The following NAV1 variants were observed in gnomAD, a reference collection of about 807,000 sequenced individuals.
NAV1 encodes neuron navigator 1.
NAV1 carries 18 observed loss-of-function variants against 175.2 expected under a neutral mutation model. That is an observed-to-expected ratio of 0.10 (90% CI 0.07 to 0.15). The LOEUF is 0.15. Among genes scored for constraint, NAV1 ranks in the 10% least tolerant of loss-of-function variants. NAV1 has a pLI of 1.00. For missense variants in NAV1, 1,731 were observed against 2,436.6 expected (o/e 0.71, Z 6.10); for synonymous variants, 897 against 978.7 (o/e 0.92, Z 1.56).
At chr1:201,622,243 A>C (rs571342505), upstream of NAV1, among the ~76,000 whole-genome samples, 1 of 152,318 alleles carries the variant, frequency 6.6e-6, no homozygotes, top group South Asian at 2.1e-4. Context: ...GGGAGGGCCC[A>C]GGGAATGGCA....
rs571282309 is a variant in NAV1 at position 201,635,282 on chromosome 1, C to T, written c.4+5775C>T. The stretch of plus-strand genomic sequence containing the variant: ...GGATGGTTTCAATCTCCTGACCTCG[C>T]GATCTGCCCGCCTCAGCCTCCCAAA... On this transcript the variant is annotated intron_variant, in intron 2 of 29. Coordinates refer to the NAV1 transcript ENST00000367302. Among the ~76,000 whole-genome samples, 133 of 152,076 alleles carry T rather than the reference C, an allele frequency of 8.7e-4. 1 individual carries two copies. The highest frequency in any genetic ancestry group is 3.1e-3 in the African/African-American group (129 of 41,468).
chr1:201,704,235 G>A (rs1671565024), intron 1 of NAV1, among the ~76,000 whole-genome samples: 1 of 152,246 alleles, frequency 6.6e-6, no homozygotes, highest in Non-Finnish European at 1.5e-5. Flanking sequence ...GGAGTGCAGA[G>A]TCCTGGGAGG....
chr1:201,641,976 C>T (rs1366447882), intron 2 of NAV1, among the ~76,000 whole-genome samples: 1 of 149,610 alleles, frequency 6.7e-6, no homozygotes, highest in East Asian at 2.0e-4. Context: ...TTCTCTCTCT[C>T]TCTTTTTCTC....
chr1:201,764,035 T>C (rs1675031408), intron 3 of NAV1, among the ~76,000 whole-genome samples: 2 of 152,200 alleles, frequency 1.3e-5, no homozygotes, highest in African/African-American at 4.8e-5. Flanking sequence ...TCTCAATCCA[T>C]AGCTTCTACT....
chr1:201,808,118 A>C lies in NAV1; in HGVS notation c.3814A>C (p.Thr1272Pro), dbSNP rs1168601305. 5 of 1,614,016 alleles carry C rather than the reference A, an allele frequency of 3.1e-6. No homozygotes were observed. Among genetic ancestry groups the C allele is most frequent in the Non-Finnish European group, 4.2e-6 (5 of 1,180,014 alleles). ...TGCTTCACCCTCCATCAAGTCCTCC[A>C]CCTCGTCCTCCGTGGGCACTGATGT... The change falls in exon 18 of 30, where the codon ACC becomes CCC. Residue 1272 changes from threonine to proline, a missense_variant. Transcript: ENST00000367296. This position sits in a 1 kb window ranked among gnomAD's most constrained non-coding sequence, Gnocchi z 5.5.
intron 2 of NAV1, among the ~76,000 whole-genome samples, chr1:201,716,015 GA>G (rs1047719176): frequency 8.6e-5 from 13 of 150,336 alleles, no homozygotes; most frequent in African/African-American, 2.2e-4. Context: ...TGGGGGAACT[GA>G]AAAAAAAAGA....
intron 1 of NAV1, among the ~76,000 whole-genome samples, chr1:201,670,716 G>A (rs1400412594): frequency 1.3e-5 from 2 of 152,096 alleles, no homozygotes; most frequent in Admixed American, 6.5e-5. Context: ...TCTCGGTAAT[G>A]CTGGTAGAGA....
chr1:201,613,564 A>G (rs1197264226), intron 2 of NAV1, among the ~76,000 whole-genome samples: 4 of 152,186 alleles, frequency 2.6e-5, no homozygotes, highest in African/African-American at 9.7e-5. Context: ...TTTTCCTCTC[A>G]TAATTCACTT....
chr1:201,624,603 C>T (rs1027227129), intron 1 of NAV1, among the ~76,000 whole-genome samples: 25 of 152,058 alleles, frequency 1.6e-4, no homozygotes, highest in Middle Eastern at 3.4e-3. Context: ...ACCTCAGCCT[C>T]CCAAAGTGCT....
At chr1:201,670,367 C>G (rs991681217) in intron 1 of NAV1, among the ~76,000 whole-genome samples, 1 of 114,274 alleles carries the variant, frequency 8.8e-6, no homozygotes, top group East Asian at 2.5e-4. Flanking sequence ...GGCGACAGAG[C>G]GAGACTCCAT....
intron 1 of NAV1, among the ~76,000 whole-genome samples, chr1:201,659,097 C>T (rs971265458): frequency 2.0e-5 from 3 of 152,222 alleles, no homozygotes; most frequent in African/African-American, 7.2e-5. Flanking sequence ...TGAAAACAGT[C>T]CCACAACCCA....
chr1:201,782,370 A>C lies in NAV1; in HGVS notation c.1858A>C (p.Met620Leu). The change falls in exon 6 of 30, where the codon ATG becomes CTG. Residue 620 changes from methionine (M) to leucine (L), a missense_variant. Met to Leu is a conservative substitution (Grantham distance 15, BLOSUM62 2). This residue lies in a region of NAV1 where 634 missense variants were observed against 766.8 expected (regional missense o/e 0.83). Coordinates refer to ENST00000367296, the Ensembl canonical transcript of NAV1. This position sits in a 1 kb window ranked among gnomAD's most constrained non-coding sequence, Gnocchi z 5.4. ...TCCTGCCACAGGCACAGCCACTGTC[A>C]TGCAAACTGGTGGTTCAGCCACTCT... The C allele has an allele frequency of 9.3e-6, 15 of 1,614,144 alleles. No homozygotes were observed. Among genetic ancestry groups the C allele is most frequent in the Non-Finnish European group, 1.2e-5 (14 of 1,180,018 alleles).
chr1:201,649,067 G>A (rs1258820814), exon 1 of NAV1: 2 of 1,613,270 alleles, frequency 1.2e-6, no homozygotes, highest in South Asian at 1.1e-5. Context: ...GTGAAGCTCC[G>A]CTGATGTCCA....
At chr1:201,635,489 G>C (rs946259153) in intron 2 of NAV1, among the ~76,000 whole-genome samples, 1 of 152,152 alleles carries the variant, frequency 6.6e-6, no homozygotes, top group South Asian at 2.1e-4. Flanking sequence ...TGTACAACCT[G>C]TGCAGCTGTA....
chr1:201,764,034 A>G (rs1441093586), intron 3 of NAV1, among the ~76,000 whole-genome samples: 1 of 152,206 alleles, frequency 6.6e-6, no homozygotes, highest in Non-Finnish European at 1.5e-5. Context: ...TTCTCAATCC[A>G]TAGCTTCTAC....
In NAV1 at chr1:201,813,575, A is replaced by AAAAC. The variant is rs200644791; in HGVS notation, c.5340+337_5340+340dup. ...CTAAGAAGTAAGTAAAACCCTAATT[A>AAAAC]AAACAAACAAACAAACAAACAAAAC... On this transcript the variant is annotated intron_variant, in intron 28 of 29. Coordinates refer to ENST00000367296, the Ensembl canonical transcript of NAV1. The surrounding 1 kb of genome is among the most constrained non-coding windows in gnomAD (Gnocchi z 4.2). 1.4e-4 allele frequency among the ~76,000 whole-genome samples: 22 copies of AAAAC among 152,262 alleles called. 1 individual carries two copies. The Middle Eastern group carries it at 0.01, about 71-fold the overall frequency.
intron 1 of NAV1, among the ~76,000 whole-genome samples, chr1:201,543,129 C>A (rs931794936): frequency 2.6e-5 from 4 of 152,094 alleles, no homozygotes; most frequent in Non-Finnish European, 5.9e-5. Flanking sequence ...ATTTTTCTTG[C>A]CTAATTGCTC....
At chr1:201,664,705 G>A (rs372965323) in intron 1 of NAV1, among the ~76,000 whole-genome samples, 8 of 152,188 alleles carry the variant, frequency 5.3e-5, no homozygotes, top group East Asian at 3.8e-4. Flanking sequence ...GAGGAAACAT[G>A]GGTCTTGCCT....
intron 1 of NAV1, among the ~76,000 whole-genome samples, chr1:201,682,683 C>T (rs572395260): frequency 7.2e-5 from 11 of 151,742 alleles, no homozygotes; most frequent in Non-Finnish European, 1.2e-4. Flanking sequence ...TTTCACATCC[C>T]GGGAATACTT....
Sources: gnomAD v4.1 joint callset for allele counts (sites outside exome capture counted in the v4.1 genomes callset) on GRCh38, gnomAD v4.1.1 for gene constraint, gnomAD v4.1.1 regional missense constraint, Gnocchi (gnomAD v3.1) non-coding constraint, MANE v1.5 for transcripts, NCBI Gene and HGNC (gene_info 2026-07-23, HGNC 2026-07-21) for gene names.